FGFR4: variants seen among roughly 807,000 people sequenced by gnomAD.
FGFR4 encodes the protein fibroblast growth factor receptor 4.
A neutral mutation model predicts 89.9 loss-of-function variants in FGFR4; 63 were observed. That is an observed-to-expected ratio of 0.70 (90% CI 0.57 to 0.86). The LOEUF (loss-of-function observed/expected upper bound fraction) is 0.86. Ranked by LOEUF, FGFR4 falls within the 40% of genes least tolerant of loss-of-function variation. The pLI, the probability that FGFR4 is intolerant of heterozygous loss-of-function variation, is 0.00. For synonymous variants in FGFR4, 486 were observed against 479.4 expected, an observed-to-expected ratio of 1.01 and a Z score of -0.18; for missense variants, 928 against 1,106.7, an observed-to-expected ratio of 0.84 and a Z score of 2.29.
At position 177,093,864 on chromosome 5, in the gene FGFR4, C is replaced by A; in HGVS notation, c.1519+89C>A. 2 of 1,435,380 alleles carry A rather than the reference C, an allele frequency of 1.4e-6. No homozygotes were observed. The highest frequency in any genetic ancestry group is 2.6e-5 in the South Asian group (2 of 77,598). The allele number at this position is 1,435,380 out of a possible 1,614,324, so 88.9% of individuals were successfully genotyped here. A position where few individuals can be genotyped will look rare whatever the true frequency, so the allele number is the denominator to read the frequency against. Reference sequence around the variant, plus strand: ...GGAGGATCGCTTGAATCCAGGAATTCGAGGCCAGCCTGGGCAACATGGCAA... The same window carrying A: ...GGAGGATCGCTTGAATCCAGGAATTAGAGGCCAGCCTGGGCAACATGGCAA... On this transcript the variant is annotated intron_variant, in intron 11 of 17. Transcript: ENST00000292408. The surrounding 1 kb of genome is among the most constrained non-coding windows in gnomAD (Gnocchi z 5.8).
At position 177,095,114 on chromosome 5, in the gene FGFR4, G is replaced by A; in HGVS notation, c.1520-216G>A. 3.5e-6 allele frequency: 2 copies of A among 565,366 alleles called. No individual in the cohort carries two copies. The highest frequency in any genetic ancestry group is 6.4e-6 in the Non-Finnish European group (2 of 312,796). The allele number at this position is 565,366 out of a possible 1,614,324, so 35.0% of individuals were successfully genotyped here. On this transcript the variant is annotated intron_variant, in intron 11 of 17. Coordinates refer to ENST00000292408, the MANE Select transcript of FGFR4 (RefSeq NM_213647.3). This position sits in a 1 kb window ranked among gnomAD's most constrained non-coding sequence, Gnocchi z 5.7. ...ATACAGTTGCATCCTTGCAACTGCT[G>A]TGACAGGCAGGGTGTGACCCACTGC...
In FGFR4 at chr5:177,093,531, A is replaced by G. The variant is rs1200242650; in HGVS notation, c.1377A>G (p.Leu459=). Reference sequence around the variant, plus strand: ...GTCTAGATCTACCTCTCGACCCACTATGGGAGTTCCCCCGGGACAGGTGCG... The same window carrying G: ...GTCTAGATCTACCTCTCGACCCACTGTGGGAGTTCCCCCGGGACAGGTGCG... The part of the protein sequence containing the change: ...LVSLDLPLDP[L]WEFPRDRLVL... Residue 459 remains leucine, a synonymous_variant, in exon 10 of 18, where the codon CTA becomes CTG. Coordinates refer to ENST00000292408, the MANE Select transcript of FGFR4 (RefSeq NM_213647.3). This position sits in a 1 kb window ranked among gnomAD's most constrained non-coding sequence, Gnocchi z 5.8. The G allele has an allele frequency of 1.2e-5, 19 of 1,613,628 alleles. No homozygotes were observed. The highest frequency in any genetic ancestry group is 1.5e-5 in the Non-Finnish European group (18 of 1,179,894).
At position 177,093,611 on chromosome 5, in the gene FGFR4, G is replaced by A; in HGVS notation, c.1398-43G>A. On this transcript the variant is annotated intron_variant, in intron 10 of 17. Transcript: ENST00000292408. This position sits in a 1 kb window ranked among gnomAD's most constrained non-coding sequence, Gnocchi z 5.8. ...GCCGGGTTGCAGCCCGCCCTCCGCA[G>A]GAGTGACTCGGAGGTCTGAGGCTGG... The A allele has an allele frequency of 6.2e-7, 1 of 1,613,786 alleles. No homozygotes were observed. Among genetic ancestry groups the A allele is most frequent in the Non-Finnish European group, 8.5e-7 (1 of 1,179,742 alleles).
chr5:177,089,112 G>A (rs150425007), intron 1 of FGFR4, among the ~76,000 whole-genome samples: 64 of 152,296 alleles, frequency 4.2e-4, no homozygotes, highest in African/African-American at 1.4e-3. Flanking sequence ...AGTGGGGATC[G>A]GATCAGATGC....
intron 16 of FGFR4, among the ~76,000 whole-genome samples, 172 bp downstream of exon 16, chr5:177,096,913 C>T (rs1784598516): frequency 1.5e-5 from 2 of 135,258 alleles, no homozygotes; most frequent in African/African-American, 5.6e-5. Context: ...TCTTCCTCCT[C>T]CTCTTCCTCC....
Position 177,090,766 on chromosome 5 carries a change from A to G in FGFR4, c.377A>G (p.Asp126Gly), listed in dbSNP as rs1352821278. Residue 126 changes from aspartate (D) to glycine (G), a missense_variant, in exon 4 of 18, where the codon GAT (aspartate) becomes GGT (glycine). By Grantham distance (94) the Asp-to-Gly change is moderately conservative. Around this residue, in one of 5 missense-constraint regions of FGFR4, gnomAD observed 741 missense variants for 836.9 expected, o/e 0.89. Transcript: ENST00000292408. ...GTAGACTCCTTGACCTCCAGCAACG[A>G]TGATGAGGACCCCAAGTCCCATAGG... The part of the protein sequence containing the change: ...ITGDSLTSSN[D>G]DEDPKSHRDP... 1 of 1,610,078 alleles carries G rather than the reference A, an allele frequency of 6.2e-7. No homozygotes were observed. Among genetic ancestry groups the G allele is most frequent in the South Asian group, 1.1e-5 (1 of 90,874 alleles).
In FGFR4 at chr5:177,088,198, GC is replaced by G. The variant is rs1727135215; in HGVS notation, c.-54+1124del. 3 of 159,936 alleles carry G rather than the reference GC, an allele frequency of 1.9e-5. No homozygotes were observed. The East Asian group carries it at 4.3e-4, about 23-fold the overall frequency. The allele number at this position is 159,936 out of a possible 1,614,324, so 9.9% of individuals were successfully genotyped here. A position where few individuals can be genotyped will look rare whatever the true frequency, so the allele number is the denominator to read the frequency against. ...CTCCCGAGTAGCTGGGACTACAGGC[GC>G]CCGCCACCGCGCCCGGCTAATTTTT... On this transcript the variant is annotated intron_variant, in intron 1 of 17. Coordinates refer to ENST00000292408, the MANE Select transcript of FGFR4 (RefSeq NM_213647.3).
rs1420620799 is a variant in FGFR4, at chr5:177,090,318, G to A, written c.92-72G>A. 1.9e-6 allele frequency: 3 copies of A among 1,595,948 alleles called. 1 individual carries two copies. Among genetic ancestry groups the A allele is most frequent in the East Asian group, 4.5e-5 (2 of 44,860 alleles). ...AGTGCTTGTGCCCTGCATGTGCGGT[G>A]TGTTCTTTGTACACAGGAGGCTGCC... is the stretch of plus-strand genomic sequence containing the variant. On this transcript the variant is annotated intron_variant, in intron 2 of 17. Coordinates refer to ENST00000292408, the MANE Select transcript of FGFR4 (RefSeq NM_213647.3).
chr5:177,091,730 T>C lies in FGFR4; in HGVS notation c.649T>C (p.Ser217Pro). Reference sequence around the variant, plus strand: ...TCTCGTGATGGAGAGCGTGGTGCCCTCGGACCGCGGCACATACACCTGCCT... The same window carrying C: ...TCTCGTGATGGAGAGCGTGGTGCCCCCGGACCGCGGCACATACACCTGCCT... ...WSLVMESVVPSDRGTYTCLVE... is the reference protein window; with the variant it reads ...WSLVMESVVPPDRGTYTCLVE... Residue 217 changes from serine (S) to proline (P), a missense_variant, in exon 6 of 18, where the codon TCG (serine) becomes CCG (proline). Physicochemically the swap from Ser to Pro is moderately conservative, Grantham distance 74 (BLOSUM62 -1). Transcript: ENST00000292408. The C allele has an allele frequency of 6.2e-7, 1 of 1,614,168 alleles. No individual in the cohort carries two copies. Among genetic ancestry groups the C allele is most frequent in the Non-Finnish European group, 8.5e-7 (1 of 1,180,024 alleles).
rs199622668 is a variant in FGFR4 at position 177,097,619 on chromosome 5, C to T, written c.2352C>T (p.His784=). 23 of 1,614,212 alleles carry T rather than the reference C, an allele frequency of 1.4e-5. No individual in the cohort carries two copies. Among genetic ancestry groups the T allele is most frequent in the East Asian group, 6.7e-5 (3 of 44,884 alleles). The part of the protein sequence containing the change: ...TCSSSDSVFS[H]DPLPLGSSSF... Reference sequence around the variant, plus strand: ...CCTCCAGCGATTCTGTCTTCAGCCACGACCCCCTGCCATTGGGATCCAGCT... The same window carrying T: ...CCTCCAGCGATTCTGTCTTCAGCCATGACCCCCTGCCATTGGGATCCAGCT... The change falls in exon 18 of 18, where the codon CAC becomes CAT. Residue 784 remains histidine (H), a synonymous_variant. Transcript: ENST00000292408.
intron 5 of FGFR4, among the ~76,000 whole-genome samples, 180 bp from the exon 6 acceptor site, chr5:177,091,505 G>A (rs893313702): frequency 1.3e-5 from 2 of 152,204 alleles, no homozygotes; most frequent in Admixed American, 1.3e-4. Flanking sequence ...CAAACCCAAG[G>A]CTCAAGCGCC....
At chr5:177,088,463 AG>A in intron 1 of FGFR4, 2 of 195,610 alleles carry the variant, frequency 1.0e-5, no homozygotes, top group East Asian at 7.9e-5. Flanking sequence ...GAGAAGGGGC[AG>A]GGGAAGCCAG....
At chr5:177,097,444 G>T in intron 17 of FGFR4, 47 bp downstream of exon 17, 1 of 1,592,068 alleles carries the variant, frequency 6.3e-7, no homozygotes, top group Non-Finnish European at 8.6e-7. Flanking sequence ...CTCCCCTCCA[G>T]GCCTCATCTG....
intron 1 of FGFR4, among the ~76,000 whole-genome samples, chr5:177,088,816 G>A (rs1490384553): frequency 6.6e-6 from 1 of 151,034 alleles, no homozygotes; most frequent in Admixed American, 6.6e-5. Flanking sequence ...AACACTCTGC[G>A]TGCCGACGCA....
At position 177,093,024 on chromosome 5, in the gene FGFR4, G is replaced by A. The variant is rs529967263; in HGVS notation, c.1058-114G>A. The A allele has an allele frequency of 1.5e-5, 21 of 1,435,602 alleles. No individual in the cohort carries two copies. Among genetic ancestry groups the A allele is most frequent in the South Asian group, 1.1e-4 (9 of 84,628 alleles). The allele number at this position is 1,435,602 out of a possible 1,614,324, so 88.9% of individuals were successfully genotyped here. A position where few individuals can be genotyped will look rare whatever the true frequency, so the allele number is the denominator to read the frequency against. On this transcript the variant is annotated intron_variant, in intron 8 of 17. Transcript: ENST00000292408. The surrounding 1 kb of genome is among the most constrained non-coding windows in gnomAD (Gnocchi z 5.8). ...ACTGGGCATAACTACAGCTTCCTCC[G>A]TGTGTGTCCCCACATATGTTGGGAG...
rs351855 is a variant in FGFR4 at position 177,093,242 on chromosome 5, G to A, written c.1162G>A (p.Gly388Arg). Residue 388 changes from glycine (G) to arginine (R), a missense_variant, in exon 9 of 18, where the codon GGG becomes AGG. By Grantham distance (125) the Gly-to-Arg change is moderately radical. This residue lies in a region of FGFR4 where 741 missense variants were observed against 836.9 expected (regional missense o/e 0.89). Coordinates refer to ENST00000292408, the MANE Select transcript of FGFR4 (RefSeq NM_213647.3). This position sits in a 1 kb window ranked among gnomAD's most constrained non-coding sequence, Gnocchi z 5.8. ...LALAVLLLLA[G>R]LYRGQALHGR... ...CTTGGCTGTGCTCCTGCTGCTGGCCGGGCTGTATCGAGGGCAGGCGCTCCA... is the reference window on the plus strand; with the variant it reads ...CTTGGCTGTGCTCCTGCTGCTGGCCAGGCTGTATCGAGGGCAGGCGCTCCA... The A allele has an allele frequency of 0.3, 487,943 of 1,612,462 alleles. 76,363 individuals carry two copies. Among genetic ancestry groups the A allele is most frequent in the East Asian group, 0.44 (19,626 of 44,778 alleles).
intron 2 of FGFR4, chr5:177,090,116 GTA>G (rs1273426181): frequency 1.1e-5 from 7 of 655,304 alleles, no homozygotes; most frequent in South Asian, 3.1e-5. Context: ...GTGTGTGTCC[GTA>G]TGTGTGTGTG....
In FGFR4 at chr5:177,096,095, G is replaced by T; in HGVS notation, c.1860G>T (p.Val620=). ...ACCTGGCTGCCCGCAATGTGCTGGTGACTGAGGACAATGTGATGAAGATTG... is the reference window on the plus strand; with the variant it reads ...ACCTGGCTGCCCGCAATGTGCTGGTTACTGAGGACAATGTGATGAAGATTG... ...HRDLAARNVL[V]TEDNVMKIAD... Residue 620 remains valine (V), a synonymous_variant, in exon 14 of 18, where the codon GTG becomes GTT. Coordinates refer to ENST00000292408, the MANE Select transcript of FGFR4 (RefSeq NM_213647.3). The T allele has an allele frequency of 6.2e-7, 1 of 1,614,192 alleles. No homozygotes were observed. Among genetic ancestry groups the T allele is most frequent in the Non-Finnish European group, 8.5e-7 (1 of 1,180,018 alleles).
At position 177,096,199 on chromosome 5, in the gene FGFR4, A is replaced by G; in HGVS notation, c.1944+20A>G. The stretch of plus-strand genomic sequence containing the variant: ...AGCAACGTGAGGGAGATGGGGCAGA[A>G]CTGGATGGGGGTGGAGGGGCACTGG... On this transcript the variant is annotated intron_variant, in intron 14 of 17. Coordinates refer to ENST00000292408, the MANE Select transcript of FGFR4 (RefSeq NM_213647.3). The G allele has an allele frequency of 2.5e-6, 4 of 1,613,618 alleles. No individual in the cohort carries two copies. The South Asian group carries it at 4.4e-5, about 18-fold the overall frequency.
Sources: gnomAD v4.1 joint callset for allele counts (sites outside exome capture counted in the v4.1 genomes callset) on GRCh38, gnomAD v4.1.1 for gene constraint, gnomAD v4.1.1 regional missense constraint, Gnocchi (gnomAD v3.1) non-coding constraint, MANE v1.5 for transcripts, NCBI Gene and HGNC (gene_info 2026-07-23, HGNC 2026-07-21) for gene names.